The following MYH15 variants were observed in gnomAD, a reference collection of about 807,000 sequenced individuals.
MYH15 encodes the protein myosin-15.
Under a neutral mutation model 240.5 loss-of-function variants are expected in MYH15, and 227 were observed. The observed-to-expected ratio is 0.94, with a 90% CI of 0.85 to 1.05. The LOEUF (loss-of-function observed/expected upper bound fraction) is 1.05, where lower values mean the gene tolerates loss of function less well. Ranked by LOEUF, MYH15 falls within the 50% of genes least tolerant of loss-of-function variation. The probability of loss-of-function intolerance (pLI) is 0.00; values close to 1 mark genes in which losing one functional copy is unlikely to be tolerated. For missense variants in MYH15, 2,217 were observed against 2,247.5 expected (o/e 0.99, Z 0.27); for synonymous variants, 785 against 796.7 (o/e 0.99, Z 0.25).
chr3:108,510,771 A>T (rs576046028), upstream of MYH15, among the ~76,000 whole-genome samples: 36 of 152,264 alleles, frequency 2.4e-4, no homozygotes, highest in South Asian at 5.4e-3. Context: ...ATCTGACTCT[A>T]GCAGGGCTGA....
At chr3:108,445,870 A>G (rs1251121010) in intron 21 of MYH15, among the ~76,000 whole-genome samples, 1 of 152,178 alleles carries the variant, frequency 6.6e-6, no homozygotes. Flanking sequence ...AAATGTCTAA[A>G]ACTAAAAAAC....
At chr3:108,529,373 T>C, upstream of MYH15, 2 of 877,072 alleles carry the variant, frequency 2.3e-6, no homozygotes, top group Non-Finnish European at 3.7e-6. Flanking sequence ...GGCAACATTA[T>C]GTTGACAGCA....
chr3:108,463,195 T>C lies in MYH15; in HGVS notation c.1780A>G (p.Asn594Asp), dbSNP rs749820395. The C allele has an allele frequency of 1.9e-6, 3 of 1,613,294 alleles. No homozygotes were observed. Among genetic ancestry groups the C allele is most frequent in the East Asian group, 4.5e-5 (2 of 44,858 alleles). ...GWLEKNKDLL[N>D]ETVVAVFQKS... ...TGAAATACAGCTACCACTGTTTCAT[T>C]AAGGAGGTCTTTGTTCTTTTCCAGC... Residue 594 changes from asparagine (N) to aspartate (D), a missense_variant, in exon 16 of 41, where the codon AAT becomes GAT. Asn to Asp is a conservative substitution (Grantham distance 23, BLOSUM62 1). Transcript: ENST00000693548.
Position 108,389,090 on chromosome 3 carries a change from G to A in MYH15, c.5431-16C>T, listed in dbSNP as rs1386905257. The A allele has an allele frequency of 1.4e-5, 23 of 1,608,632 alleles. No homozygotes were observed. The highest frequency in any genetic ancestry group is 2.0e-5 in the Non-Finnish European group (23 of 1,176,514). ...GTTCACGAACCTGCAACCAAAACGT[G>A]ACCTCAGACCAGACGCTGCCACCAA... On this transcript the variant is annotated splice_polypyrimidine_tract_variant and intron_variant, in intron 37 of 40. Coordinates refer to ENST00000693548, the MANE Select transcript of MYH15 (RefSeq NM_014981.3).
chr3:108,428,970 C>G, intron 26 of MYH15, 89 bp from the exon 27 acceptor site: 2 of 1,335,208 alleles, frequency 1.5e-6, no homozygotes, highest in Admixed American at 2.4e-5. Context: ...TAACATGAAA[C>G]TTTTGGTTCC....
Position 108,439,917 on chromosome 3 carries a change from T to C in MYH15, c.2899-4A>G. 1 of 1,567,676 alleles carries C rather than the reference T, an allele frequency of 6.4e-7. No homozygotes were observed. The highest frequency in any genetic ancestry group is 1.4e-5 in the African/African-American group (1 of 73,628). On this transcript the variant is annotated splice_polypyrimidine_tract_variant and splice_region_variant and intron_variant, in intron 23 of 40. Transcript: ENST00000693548. ...CTTCCTCAGTCAAGTTCTTGACCTG[T>C]GGGAAGAAGATGACAGCTTCATTAA...
At chr3:108,428,921 T>A in intron 26 of MYH15, 40 bp from the exon 27 acceptor site, 1 of 1,532,530 alleles carries the variant, frequency 6.5e-7, no homozygotes, top group Non-Finnish European at 8.8e-7. Context: ...TAAGCACTTG[T>A]AGCAAGAGCT....
At chr3:108,470,553 A>T in intron 13 of MYH15, 145 bp downstream of exon 13, 1 of 681,296 alleles carries the variant, frequency 1.5e-6, no homozygotes, top group South Asian at 2.6e-5. Context: ...ATTGATATTA[A>T]TTATAGCTCT....
chr3:108,518,147 C>T (rs1279614239), intron 1 of MYH15, among the ~76,000 whole-genome samples: 1 of 152,140 alleles, frequency 6.6e-6, no homozygotes, highest in African/African-American at 2.4e-5. Context: ...GTGTTTTATA[C>T]ATAATAACTC....
In MYH15 at chr3:108,404,421, T is replaced by G. The variant is rs529785879; in HGVS notation, c.4736+917A>C. On this transcript the variant is annotated intron_variant, in intron 33 of 40. Transcript: ENST00000693548. ...TTTCTTGCTGACATATGGCATTGAC[T>G]TAAGGGAACAGATTAGATAATATAA... 4.6e-5 allele frequency among the ~76,000 whole-genome samples: 7 copies of G among 152,332 alleles called. No individual in the cohort carries two copies. The South Asian group carries it at 1.4e-3, about 32-fold the overall frequency.
chr3:108,456,856 T>C lies in MYH15; in HGVS notation c.2048A>G (p.Gln683Arg). 6.2e-7 allele frequency: 1 copy of C among 1,613,318 alleles called. No individual in the cohort carries two copies. Among genetic ancestry groups the C allele is most frequent in the African/African-American group, 1.3e-5 (1 of 74,934 alleles). ...PGILDPYLVL[Q>R]QLRCNGVLEG... ...CAAGACACCATTACAGCGCAACTGC[T>C]GTAGAACCAAGTAAGGGTCCAGTAT... The change falls in exon 19 of 41, where the codon CAG becomes CGG. Residue 683 changes from glutamine to arginine, a missense_variant. Transcript: ENST00000693548.
At chr3:108,532,665 G>A (rs775199219), upstream of MYH15, among the ~76,000 whole-genome samples, 7 of 152,106 alleles carry the variant, frequency 4.6e-5, no homozygotes, top group Non-Finnish European at 1.0e-4. Context: ...TATTGGTTCT[G>A]TTTCTCTGCA....
At chr3:108,545,269 T>C in the MYH15 span, among the ~76,000 whole-genome samples, 1 of 152,172 alleles carries the variant, frequency 6.6e-6, no homozygotes, top group Non-Finnish European at 1.5e-5. Context: ...TAACCCCTAA[T>C]CTCTCCATCC....
At chr3:108,497,946 C>A in intron 6 of MYH15, 106 bp downstream of exon 6, 1 of 871,046 alleles carries the variant, frequency 1.1e-6, no homozygotes, top group Non-Finnish European at 1.9e-6. Context: ...GCAAATTGTC[C>A]TGTGGTGCTT....
At chr3:108,452,805 G>A (rs1464238894) in intron 21 of MYH15, among the ~76,000 whole-genome samples, 1 of 151,976 alleles carries the variant, frequency 6.6e-6, no homozygotes, top group Non-Finnish European at 1.5e-5. Flanking sequence ...TTTTAATGTT[G>A]TTAGCAATTA....
Position 108,414,434 on chromosome 3 carries a change from G to C in MYH15, c.3949-6C>G. On this transcript the variant is annotated splice_region_variant and splice_polypyrimidine_tract_variant and intron_variant, in intron 29 of 40. Transcript: ENST00000693548. ...TGGGCCAGGGCACTCTGGGACTGTA[G>C]GGGACACACATTAACAAAAAGGTCA... 1.9e-6 allele frequency: 3 copies of C among 1,610,710 alleles called. No individual in the cohort carries two copies. Among genetic ancestry groups the C allele is most frequent in the Non-Finnish European group, 2.5e-6 (3 of 1,178,202 alleles).
intron 21 of MYH15, among the ~76,000 whole-genome samples, chr3:108,450,062 G>T (rs1162491680): frequency 1.3e-5 from 2 of 151,938 alleles, no homozygotes; most frequent in Non-Finnish European, 2.9e-5. Flanking sequence ...AAAGATAAGA[G>T]TTGGCAAGTA....
chr3:108,496,772 A>G (rs1007041137), intron 6 of MYH15, among the ~76,000 whole-genome samples: 9 of 151,094 alleles, frequency 6.0e-5, no homozygotes, highest in African/African-American at 2.2e-4. Flanking sequence ...ATAAAACTCA[A>G]TGGCTAGACC....
intron 9 of MYH15, among the ~76,000 whole-genome samples, chr3:108,489,429 C>T (rs986334388): frequency 6.6e-6 from 1 of 152,064 alleles, no homozygotes; most frequent in Admixed American, 6.6e-5. Context: ...ATATGTAGGA[C>T]CAAGCTATAC....
Sources: allele counts gnomAD v4.1 joint callset (sites outside exome capture counted in the v4.1 genomes callset), GRCh38; gene constraint gnomAD v4.1.1; transcripts MANE v1.5; gene names NCBI Gene and HGNC (gene_info 2026-07-23, HGNC 2026-07-21).